Variants in PPP2R5C observed in about 807,000 individuals in gnomAD.
PPP2R5C encodes protein phosphatase 2 regulatory subunit B'gamma.
PPP2R5C carries 7 observed loss-of-function variants against 68.9 expected under a neutral mutation model. The ratio of observed to expected loss-of-function variants is 0.10; its 90% CI spans 0.06 to 0.19. The LOEUF (loss-of-function observed/expected upper bound fraction) is 0.19. Ranked by LOEUF, PPP2R5C falls within the 10% of genes least tolerant of loss-of-function variation. PPP2R5C has a pLI of 1.00. For missense variants in PPP2R5C, 348 were observed against 641.3 expected (o/e 0.54, Z 4.94); for synonymous variants, 210 against 222.2 (o/e 0.95, Z 0.49).
intron 1 of PPP2R5C, among the ~76,000 whole-genome samples, chr14:101,854,972 C>A (rs1363462090): frequency 1.3e-5 from 2 of 152,162 alleles, no homozygotes; most frequent in Non-Finnish European, 1.5e-5. Flanking sequence ...GAGCTCGAGA[C>A]CAGCCTGGCC....
upstream of PPP2R5C, among the ~76,000 whole-genome samples, chr14:101,761,562 T>C (rs969221660): frequency 2.4e-5 from 3 of 125,450 alleles, no homozygotes; most frequent in African/African-American, 6.0e-5. Context: ...CGCTGTTGAG[T>C]GCAGCGGGGC....
At chr14:101,887,344 A>G (rs1183274441) in intron 5 of PPP2R5C, among the ~76,000 whole-genome samples, 1 of 152,206 alleles carries the variant, frequency 6.6e-6, no homozygotes, top group Non-Finnish European at 1.5e-5. Context: ...GCACCTGCTC[A>G]TGCTCTTATC....
Position 101,906,319 on chromosome 14 carries a change from C to A in PPP2R5C, c.1024-83C>A. ...TTTCTGGTCCAAGGTAGTTCATTACCCGACTCACAGGTTTAACAGCAAGGA... is the reference window on the plus strand; with the variant it reads ...TTTCTGGTCCAAGGTAGTTCATTACACGACTCACAGGTTTAACAGCAAGGA... On this transcript the variant is annotated intron_variant, in intron 9 of 13. Transcript: ENST00000334743. This position sits in a 1 kb window ranked among gnomAD's most constrained non-coding sequence, Gnocchi z 4.0. 1 of 1,414,058 alleles carries A rather than the reference C, an allele frequency of 7.1e-7. No homozygotes were observed. Among genetic ancestry groups the A allele is most frequent in the Non-Finnish European group, 9.5e-7 (1 of 1,057,958 alleles). The allele number at this position is 1,414,058 out of a possible 1,614,324, so 87.6% of individuals were successfully genotyped here.
chr14:101,910,343 G>A (rs996944183), intron 11 of PPP2R5C, among the ~76,000 whole-genome samples: 3 of 152,152 alleles, frequency 2.0e-5, no homozygotes, highest in Admixed American at 1.3e-4. Context: ...ACTGGCTAAG[G>A]TAGATAAGCT....
chr14:101,886,308 G>A (rs1387016443), intron 5 of PPP2R5C, among the ~76,000 whole-genome samples: 2 of 151,812 alleles, frequency 1.3e-5, no homozygotes, highest in African/African-American at 2.4e-5. Flanking sequence ...GTAGTAGAAA[G>A]TGTTTTGTAC....
intron 5 of PPP2R5C, among the ~76,000 whole-genome samples, chr14:101,886,667 A>AG (rs1368981693): frequency 1.3e-5 from 2 of 152,198 alleles, no homozygotes; most frequent in Admixed American, 6.5e-5. Context: ...AGGAAAAAAA[A>AG]AGAAGAAAGA....
chr14:101,863,412 T>A (rs553234130), intron 2 of PPP2R5C, among the ~76,000 whole-genome samples: 10 of 152,114 alleles, frequency 6.6e-5, no homozygotes, highest in African/African-American at 1.9e-4. Flanking sequence ...ATTTTTTTTT[T>A]AATTTCTGTG....
chr14:101,810,256 A>G (rs2039278725), intron 1 of PPP2R5C: 2 of 503,274 alleles, frequency 4.0e-6, no homozygotes, highest in Middle Eastern at 4.8e-4. Flanking sequence ...TGCATAGTTC[A>G]AAGCTGGTTT....
intron 1 of PPP2R5C, 143 bp from the exon 4 acceptor site, chr14:101,856,543 G>T: frequency 1.3e-6 from 1 of 751,070 alleles, no homozygotes; most frequent in Non-Finnish European, 2.2e-6. Context: ...TTTCTTTAAG[G>T]AATAGCCTTT....
intron 2 of PPP2R5C, among the ~76,000 whole-genome samples, chr14:101,779,257 G>A (rs1399026759): frequency 6.6e-6 from 1 of 152,148 alleles, no homozygotes; most frequent in East Asian, 1.9e-4. Context: ...AGTGTTGGCA[G>A]ATAACGGGGA....
chr14:101,874,002 T>A (rs2140813089), intron 2 of PPP2R5C, among the ~76,000 whole-genome samples: 1 of 152,338 alleles, frequency 6.6e-6, no homozygotes, highest in South Asian at 2.1e-4. Flanking sequence ...TTACTCCATC[T>A]CATCTGGAAG....
intron 2 of PPP2R5C, among the ~76,000 whole-genome samples, chr14:101,857,336 T>C (rs960284497): frequency 6.6e-6 from 1 of 152,114 alleles, no homozygotes. Context: ...GGTGTCAGAA[T>C]AGTTCATGCT....
At chr14:101,786,305 A>G in intron 3 of PPP2R5C, 122 bp downstream of exon 3, 2 of 844,386 alleles carry the variant, frequency 2.4e-6, no homozygotes, top group Non-Finnish European at 3.4e-6. Context: ...TCTTTTCTGT[A>G]TTGAGGGGTT....
rs113596769 is a variant in PPP2R5C, at chr14:101,836,582, G to C, written c.95-20104G>C. The C allele has an allele frequency of 3.8e-3, 2,019 of 526,354 alleles. 21 individuals are homozygous for C. The highest frequency in any genetic ancestry group is 0.034 in the African/African-American group (1,786 of 52,944). The allele number at this position is 526,354 out of a possible 1,614,324, so 32.6% of individuals were successfully genotyped here. On this transcript the variant is annotated intron_variant, in intron 1 of 13. Coordinates refer to ENST00000334743, the Ensembl canonical transcript of PPP2R5C. ...AATATCTCTACTTTAAATGCCTGGGGTGTTGCATGCATTTTTCTAGGCTAG... is the reference window on the plus strand; with the variant it reads ...AATATCTCTACTTTAAATGCCTGGGCTGTTGCATGCATTTTTCTAGGCTAG...
At chr14:101,875,940 G>A (rs1032643914) in intron 2 of PPP2R5C, among the ~76,000 whole-genome samples, 2 of 152,066 alleles carry the variant, frequency 1.3e-5, no homozygotes, top group Non-Finnish European at 2.9e-5. Flanking sequence ...TAATTCCCAG[G>A]CACTTTGTAG....
intron 8 of PPP2R5C, among the ~76,000 whole-genome samples, chr14:101,898,852 C>A (rs1049320688): frequency 6.6e-6 from 1 of 152,166 alleles, no homozygotes; most frequent in African/African-American, 2.4e-5. Context: ...AACACAAAGG[C>A]CATTTTGTCT....
At chr14:101,796,644 C>T (rs1429237184) in intron 3 of PPP2R5C, 1 of 157,230 alleles carries the variant, frequency 6.4e-6, no homozygotes, top group Non-Finnish European at 1.4e-5. Flanking sequence ...GCCAGCCAGC[C>T]CAGCCCCTCC....
At chr14:101,895,630 G>A (rs1367985608) in intron 8 of PPP2R5C, among the ~76,000 whole-genome samples, 2 of 152,090 alleles carry the variant, frequency 1.3e-5, no homozygotes, top group South Asian at 2.1e-4. Flanking sequence ...TCATTCTTGG[G>A]TTGCGTATCA....
intron 2 of PPP2R5C, among the ~76,000 whole-genome samples, chr14:101,779,179 G>T (rs1285872574): frequency 1.3e-5 from 2 of 152,234 alleles, no homozygotes; most frequent in South Asian, 4.1e-4. Context: ...TTGTGTGAAG[G>T]CTGGAATTAA....
Sources: allele counts gnomAD v4.1 joint callset (sites outside exome capture counted in the v4.1 genomes callset), GRCh38; gene constraint gnomAD v4.1.1; non-coding constraint Gnocchi (gnomAD v3.1); transcripts MANE v1.5; gene names NCBI Gene and HGNC (gene_info 2026-07-23, HGNC 2026-07-21).